IQGAP2: variants seen among roughly 807,000 people sequenced by gnomAD.
IQGAP2 encodes IQ motif containing GTPase activating protein 2, also known as ras GTPase-activating-like protein IQGAP2.
In IQGAP2, 173 loss-of-function variants were observed where a neutral mutation model predicts 201.3. That is an observed-to-expected ratio of 0.86 (90% CI 0.76 to 0.98). IQGAP2 has a LOEUF of 0.98. Ranked by LOEUF, IQGAP2 falls within the 50% of genes least tolerant of loss-of-function variation. The pLI, the probability that IQGAP2 is intolerant of heterozygous loss-of-function variation, is 0.00. For missense variants in IQGAP2, 1,687 were observed against 1,864.8 expected (o/e 0.90, Z 1.76); for synonymous variants, 675 against 673.9 (o/e 1.00, Z -0.03).
At chr5:76,591,850 C>G (rs1311006832) in intron 8 of IQGAP2, among the ~76,000 whole-genome samples, 1 of 152,208 alleles carries the variant, frequency 6.6e-6, no homozygotes, top group Non-Finnish European at 1.5e-5. Context: ...GTCCCTCTGG[C>G]TTTGTACCCC....
chr5:76,471,288 T>G (rs1432427506), intron 2 of IQGAP2, among the ~76,000 whole-genome samples: 1 of 151,716 alleles, frequency 6.6e-6, no homozygotes, highest in Non-Finnish European at 1.5e-5. Context: ...ATATTCCTTT[T>G]TTAAGGAAAG....
rs146071185 is a variant in IQGAP2 at position 76,677,292 on chromosome 5, T to G, written c.3602T>G (p.Val1201Gly). The G allele has an allele frequency of 5.0e-6, 8 of 1,613,870 alleles. No individual in the cohort carries two copies. Among genetic ancestry groups the G allele is most frequent in the African/African-American group, 1.3e-5 (1 of 75,044 alleles). ...KFNMDKYTDL[V>G]TVSKPVIYIS... is the part of the protein sequence containing the mutation. Reference sequence around the variant, plus strand: ...AATATGGACAAATACACAGACCTGGTGACAGTCAGCAAACCAGTCATTTAT... The same window carrying G: ...AATATGGACAAATACACAGACCTGGGGACAGTCAGCAAACCAGTCATTTAT... The change falls in exon 28 of 36, where the codon GTG becomes GGG. Residue 1201 changes from valine (V) to glycine (G), a missense_variant. Val to Gly is a moderately radical substitution (Grantham distance 109). Transcript: ENST00000274364.
intron 2 of IQGAP2, among the ~76,000 whole-genome samples, chr5:76,471,367 A>AAAAAAAAAACAAC (rs1755087949): frequency 3.0e-5 from 1 of 33,800 alleles, no homozygotes; most frequent in Non-Finnish European, 5.2e-5. Flanking sequence ...AACTAAGCAA[A>AAAAAAAAAACAAC]AAAAAAAAAA....
chr5:76,411,518 G>A (rs1386184280), intron 1 of IQGAP2, among the ~76,000 whole-genome samples: 1 of 152,178 alleles, frequency 6.6e-6, no homozygotes, highest in Non-Finnish European at 1.5e-5. Context: ...CTAATGAGTG[G>A]TGATTAGGCC....
At chr5:76,578,929 G>T (rs929106102) in intron 5 of IQGAP2, among the ~76,000 whole-genome samples, 1 of 146,616 alleles carries the variant, frequency 6.8e-6, no homozygotes, top group Non-Finnish European at 1.5e-5. Flanking sequence ...ATATCTGGAG[G>T]CCTTTTACGT....
At chr5:76,440,925 G>A (rs1752990141) in intron 1 of IQGAP2, among the ~76,000 whole-genome samples, 1 of 152,090 alleles carries the variant, frequency 6.6e-6, no homozygotes, top group Non-Finnish European at 1.5e-5. Flanking sequence ...CTGCTACTCG[G>A]GAGGTTGAGG....
intron 2 of IQGAP2, among the ~76,000 whole-genome samples, chr5:76,509,334 A>G (rs542770544): frequency 4.7e-4 from 71 of 151,850 alleles, no homozygotes; most frequent in Middle Eastern, 3.4e-3. Flanking sequence ...GCAAGACTCA[A>G]TTGTACCTTA....
At chr5:76,504,126 G>A (rs1757457280) in intron 2 of IQGAP2, among the ~76,000 whole-genome samples, 1 of 152,184 alleles carries the variant, frequency 6.6e-6, no homozygotes, top group South Asian at 2.1e-4. Flanking sequence ...TGCTAACAAA[G>A]AGGAGCTTGC....
At chr5:76,703,172 T>C (rs1311657028) in intron 35 of IQGAP2, among the ~76,000 whole-genome samples, 1 of 150,064 alleles carries the variant, frequency 6.7e-6, no homozygotes, top group Non-Finnish European at 1.5e-5. Context: ...GGGGGGGGCA[T>C]TGAGAAAGGG....
chr5:76,606,083 TAAC>T, intron 11 of IQGAP2, 93 bp from the exon 12 acceptor site: 1 of 1,110,300 alleles, frequency 9.0e-7, no homozygotes, highest in Non-Finnish European at 1.3e-6. Flanking sequence ...TCTAACTTCA[TAAC>T]AACTATGTTT....
rs575375045 is a variant in IQGAP2, at chr5:76,511,273, C to T, written c.146+49604C>T. ...TGGTAGGGGTCACATCTCCGAGATC[C>T]TTTTGCCTTGCCCTCATTTGCTTGT... On this transcript the variant is annotated intron_variant, in intron 2 of 35. Transcript: ENST00000274364. Among the ~76,000 whole-genome samples the T allele has an allele frequency of 3.9e-5, 6 of 152,244 alleles. No homozygotes were observed. The South Asian group carries it at 1.2e-3, about 32-fold the overall frequency.
intron 17 of IQGAP2, among the ~76,000 whole-genome samples, chr5:76,652,464 A>G (rs904102688): frequency 3.9e-5 from 6 of 152,064 alleles, no homozygotes; most frequent in African/African-American, 1.4e-4. Context: ...TTTGCCACCC[A>G]GGGCCTTGGT....
At chr5:76,509,029 ATG>A (rs70982616) in intron 2 of IQGAP2, among the ~76,000 whole-genome samples, 12,206 of 148,850 alleles carry the variant, frequency 0.082, 569 homozygotes, top group African/African-American at 0.15. Context: ...CTGTATATAT[ATG>A]TGTGTGTGTG....
At chr5:76,553,091 G>A (rs907079176) in intron 2 of IQGAP2, among the ~76,000 whole-genome samples, 12 of 152,164 alleles carry the variant, frequency 7.9e-5, no homozygotes, top group African/African-American at 2.4e-4. Context: ...CTACAGCCAC[G>A]TTCCCCTGGG....
At chr5:76,567,522 C>A (rs1744837936) in intron 3 of IQGAP2, among the ~76,000 whole-genome samples, 1 of 152,136 alleles carries the variant, frequency 6.6e-6, no homozygotes, top group African/African-American at 2.4e-5. Flanking sequence ...GGCATGGTGC[C>A]TGACAGACAT....
At chr5:76,506,598 T>G (rs1269024123) in intron 2 of IQGAP2, among the ~76,000 whole-genome samples, 1 of 152,244 alleles carries the variant, frequency 6.6e-6, no homozygotes, top group Non-Finnish European at 1.5e-5. Context: ...TTCTAACTTA[T>G]TGTCTCAAGA....
chr5:76,675,453 T>G (rs983198684), intron 27 of IQGAP2, among the ~76,000 whole-genome samples: 2 of 152,266 alleles, frequency 1.3e-5, no homozygotes, highest in African/African-American at 2.4e-5. Flanking sequence ...TGTTCTGTTC[T>G]ATTCTCAAGC....
At chr5:76,449,468 C>T (rs1243228517) in intron 1 of IQGAP2, among the ~76,000 whole-genome samples, 1 of 152,172 alleles carries the variant, frequency 6.6e-6, no homozygotes, top group African/African-American at 2.4e-5. Flanking sequence ...CCTTCTTCCA[C>T]CTTATCCCTT....
intron 15 of IQGAP2, among the ~76,000 whole-genome samples, chr5:76,635,551 TATC>T (rs1751055023): frequency 1.3e-5 from 2 of 152,014 alleles, no homozygotes; most frequent in Admixed American, 1.3e-4. Flanking sequence ...TAATTGAAAA[TATC>T]ATAATTGGCT....
Sources: gnomAD v4.1 joint callset for allele counts (sites outside exome capture counted in the v4.1 genomes callset) on GRCh38, gnomAD v4.1.1 for gene constraint, MANE v1.5 for transcripts, NCBI Gene and HGNC (gene_info 2026-07-23, HGNC 2026-07-21) for gene names.